TNS3: variants seen among roughly 807,000 people sequenced by gnomAD.
The protein encoded by TNS3 is tensin 3.
Under a neutral mutation model 140.9 loss-of-function variants are expected in TNS3, and 45 were observed. The ratio of observed to expected loss-of-function variants is 0.32; its 90% CI spans 0.25 to 0.41. The LOEUF is 0.41. Among genes scored for constraint, TNS3 ranks in the 10% least tolerant of loss-of-function variants. The pLI is 1.00. For synonymous variants in TNS3, 815 were observed against 788.4 expected (o/e 1.03, Z -0.56); for missense variants, 1,716 against 1,906.7 (o/e 0.90, Z 1.86).
intron 3 of TNS3, among the ~76,000 whole-genome samples, chr7:47,495,155 C>T (rs908834668): frequency 6.9e-6 from 1 of 145,280 alleles, no homozygotes; most frequent in Non-Finnish European, 1.5e-5. Flanking sequence ...TGCGCCACTG[C>T]ACCCCAGCCT....
At chr7:47,505,389 C>T (rs754750435) in intron 3 of TNS3, among the ~76,000 whole-genome samples, 13 of 152,352 alleles carry the variant, frequency 8.5e-5, no homozygotes, top group African/African-American at 2.9e-4. Flanking sequence ...AAATCAGCTA[C>T]GCCTAGGAGT....
intron 4 of TNS3, among the ~76,000 whole-genome samples, chr7:47,454,143 C>T (rs970597697): frequency 6.6e-6 from 1 of 152,086 alleles, no homozygotes; most frequent in African/African-American, 2.4e-5. Context: ...TCTGGGGGCG[C>T]CCATTCCACT....
rs149877842 is a variant in TNS3, at chr7:47,406,486, A to AG, written c.723+5240dup. Among the ~76,000 whole-genome samples, 962 of 152,334 alleles carry AG rather than the reference A, an allele frequency of 6.3e-3. 5 individuals are homozygous for AG. Among genetic ancestry groups the AG allele is most frequent in the African/African-American group, 0.021 (892 of 41,580 alleles). On this transcript the variant is annotated intron_variant, in intron 13 of 30. Coordinates refer to ENST00000311160, the MANE Select transcript of TNS3 (RefSeq NM_022748.12). ...GAGGCCCTCATGAGGAAAGCCAGGCAGATGTCCCTGCAGGCAAGGCAGACA... is the reference window on the plus strand; with the variant it reads ...GAGGCCCTCATGAGGAAAGCCAGGCAGGATGTCCCTGCAGGCAAGGCAGACA...
chr7:47,520,548 T>C (rs1301664175), intron 2 of TNS3, among the ~76,000 whole-genome samples: 2 of 152,206 alleles, frequency 1.3e-5, no homozygotes, highest in Admixed American at 1.3e-4. Context: ...CCAGGCCTTC[T>C]TCCCAGCCAC....
chr7:47,396,356 C>A (rs1432896996), intron 16 of TNS3, among the ~76,000 whole-genome samples: 1 of 152,178 alleles, frequency 6.6e-6, no homozygotes, highest in Non-Finnish European at 1.5e-5. Context: ...AGCCATAAAT[C>A]AGGAACACTA....
chr7:47,455,627 GAA>G (rs1433671920), intron 4 of TNS3, among the ~76,000 whole-genome samples: 26 of 152,154 alleles, frequency 1.7e-4, no homozygotes, highest in Non-Finnish European at 7.4e-5. Flanking sequence ...ACTGAAAACT[GAA>G]TGGATGAGAA....
chr7:47,569,973 A>AC (rs1350762030), intron 1 of TNS3, among the ~76,000 whole-genome samples: 1 of 151,968 alleles, frequency 6.6e-6, no homozygotes, highest in African/African-American at 2.4e-5. Context: ...ACATGGTGAA[A>AC]CCCCCCCTCT....
rs1562648860 is a variant in TNS3, at chr7:47,369,353, G to A, written c.1293C>T (p.Gly431=). ...EKAELDQLLS[G]FGLEDPGSSL... ...AGCTTCCAGGATCTTCCAGGCCAAA[G>A]CCACTGAGCAGCTGGTCCAACTCTG... Residue 431 remains glycine (G), a synonymous_variant, in exon 17 of 31, where the codon GGC becomes GGT. Transcript: ENST00000311160. The A allele has an allele frequency of 1.2e-6, 2 of 1,614,074 alleles. No individual in the cohort carries two copies. Among genetic ancestry groups the A allele is most frequent in the Admixed American group, 3.3e-5 (2 of 60,006 alleles).
At chr7:47,327,848 C>T (rs951190578) in intron 20 of TNS3, among the ~76,000 whole-genome samples, 3 of 151,612 alleles carry the variant, frequency 2.0e-5, no homozygotes, top group African/African-American at 7.2e-5. Context: ...CCCCACCCCC[C>T]TCCACTGGAG....
chr7:47,344,999 C>T lies in TNS3; in HGVS notation c.2491G>A (p.Asp831Asn), dbSNP rs770314865. Residue 831 changes from aspartate to asparagine, a missense_variant, in exon 19 of 31, where the codon GAT (aspartate) becomes AAT (asparagine). By Grantham distance (23) the Asp-to-Asn change is conservative. This residue lies in a region of TNS3 where 1,163 missense variants were observed against 1,182.1 expected (regional missense o/e 0.98). Transcript: ENST00000311160. Reference protein sequence around the residue: ...PGYPQDLDIIDGRILSSKESM... With the variant: ...PGYPQDLDIINGRILSSKESM... The stretch of plus-strand genomic sequence containing the variant: ...TCCTTGCTACTTAAAATTCTGCCAT[C>T]GATAATATCGAGGTCCTGGGGATAG... 3 of 1,614,150 alleles carry T rather than the reference C, an allele frequency of 1.9e-6. No individual in the cohort carries two copies. Among genetic ancestry groups the T allele is most frequent in the African/African-American group, 1.3e-5 (1 of 75,046 alleles).
At position 47,283,672 on chromosome 7, in the gene TNS3, C is replaced by T. The variant is rs757826511; in HGVS notation, c.4097+25G>A. On this transcript the variant is annotated intron_variant, in intron 28 of 30. Coordinates refer to ENST00000311160, the MANE Select transcript of TNS3 (RefSeq NM_022748.12). ...TGACAGCCCCGCCCCTGCTGGACGG[C>T]TCCTGCCTCCCTCTAGGCACTCACT... 1.6e-5 allele frequency: 24 copies of T among 1,520,996 alleles called. No homozygotes were observed. In the South Asian group the frequency reaches 2.4e-4, roughly 15 times the overall value. The allele number at this position is 1,520,996 out of a possible 1,614,324, so 94.2% of individuals were successfully genotyped here. A position where few individuals can be genotyped will look rare whatever the true frequency, so the allele number is the denominator to read the frequency against.
intron 4 of TNS3, among the ~76,000 whole-genome samples, chr7:47,479,986 G>A (rs533109848): frequency 2.0e-5 from 3 of 152,356 alleles, no homozygotes; most frequent in Admixed American, 2.0e-4. Flanking sequence ...GGCTCAGATG[G>A]GCAGGGGGCA....
intron 2 of TNS3, among the ~76,000 whole-genome samples, chr7:47,519,116 G>GAGACCC (rs1798877104): frequency 6.6e-6 from 1 of 152,158 alleles, no homozygotes; most frequent in African/African-American, 2.4e-5. Context: ...CAGAGTCAGT[G>GAGACCC]AGACCCACTG....
At chr7:47,475,344 C>T (rs1006018175) in intron 4 of TNS3, among the ~76,000 whole-genome samples, 3 of 152,266 alleles carry the variant, frequency 2.0e-5, no homozygotes, top group Non-Finnish European at 1.5e-5. Flanking sequence ...GGGCCACAGA[C>T]CACAGTGGCC....
At chr7:47,568,896 G>A (rs1198367995) in intron 1 of TNS3, among the ~76,000 whole-genome samples, 1 of 152,260 alleles carries the variant, frequency 6.6e-6, no homozygotes, top group Non-Finnish European at 1.5e-5. Context: ...TGCTGATAGA[G>A]CGATAACTTG....
At chr7:47,461,572 G>T (rs1446811921) in intron 4 of TNS3, among the ~76,000 whole-genome samples, 1 of 152,150 alleles carries the variant, frequency 6.6e-6, no homozygotes, top group East Asian at 1.9e-4. Context: ...CTACTGAGGA[G>T]CCGGGCACTG....
At chr7:47,328,477 C>T (rs1378511547) in intron 20 of TNS3, among the ~76,000 whole-genome samples, 3 of 152,198 alleles carry the variant, frequency 2.0e-5, no homozygotes, top group Admixed American at 2.0e-4. Context: ...ACCTGCCCAC[C>T]ATGCCCCCAA....
At chr7:47,552,112 C>CT (rs201933356) in intron 1 of TNS3, among the ~76,000 whole-genome samples, 52 of 151,050 alleles carry the variant, frequency 3.4e-4, no homozygotes, top group East Asian at 2.1e-3. Context: ...TAATTCATTT[C>CT]TTTTTTTTTC....
intron 13 of TNS3, among the ~76,000 whole-genome samples, chr7:47,410,607 C>T (rs897979741): frequency 6.6e-6 from 1 of 152,136 alleles, no homozygotes; most frequent in Non-Finnish European, 1.5e-5. Context: ...GAATTCAGGA[C>T]CAGCAAGGTA....
Sources: gnomAD v4.1 joint callset for allele counts (sites outside exome capture counted in the v4.1 genomes callset) on GRCh38, gnomAD v4.1.1 for gene constraint, gnomAD v4.1.1 regional missense constraint, MANE v1.5 for transcripts, NCBI Gene and HGNC (gene_info 2026-07-23, HGNC 2026-07-21) for gene names.